MNDA: variants seen among roughly 807,000 people sequenced by gnomAD.
The protein encoded by MNDA is myeloid cell nuclear differentiation antigen, also known as epididymis secretory sperm binding protein.
MNDA carries 43 observed loss-of-function variants against 37.8 expected under a neutral mutation model. The observed-to-expected ratio is 1.14, with a 90% CI of 0.89 to 1.47. The LOEUF (loss-of-function observed/expected upper bound fraction) is 1.47, where lower values mean the gene tolerates loss of function less well. MNDA is among the 40% of genes most tolerant of loss of function. The probability of loss-of-function intolerance (pLI) is 0.00; values close to 1 mark genes in which losing one functional copy is unlikely to be tolerated. For synonymous variants in MNDA, 181 were observed against 169.0 expected, an observed-to-expected ratio of 1.07 and a Z score of -0.55; for missense variants, 536 against 476.0, an observed-to-expected ratio of 1.13 and a Z score of -1.17.
At chr1:158,834,189 G>C (rs1658861644) in intron 1 of MNDA, among the ~76,000 whole-genome samples, 1 of 149,880 alleles carries the variant, frequency 6.7e-6, no homozygotes, top group Admixed American at 6.7e-5. Flanking sequence ...TTGGCCATTT[G>C]TATAGCACCT....
Position 158,849,194 on chromosome 1 carries a change from T to C in MNDA, c.1181T>C (p.Ile394Thr). 1 of 1,611,342 alleles carries C rather than the reference T, an allele frequency of 6.2e-7. No individual in the cohort carries two copies. The highest frequency in any genetic ancestry group is 1.3e-5 in the African/African-American group (1 of 74,916). The change falls in exon 7 of 7, where the codon ATC (isoleucine) becomes ACC (threonine). Residue 394 changes from isoleucine (I) to threonine (T), a missense_variant. Transcript: ENST00000368141. ...CTTTCTTATCTCTCTTTAAAGGTCA[T>C]CAAGGCCAAGAAAAACAAGGAAGGA... The part of the protein sequence containing the change: ...VCGSHSFIKV[I>T]KAKKNKEGPM...
At chr1:158,847,511 T>C (rs542555659) in intron 5 of MNDA, among the ~76,000 whole-genome samples, 2 of 152,162 alleles carry the variant, frequency 1.3e-5, no homozygotes, top group South Asian at 4.1e-4. Flanking sequence ...GAAATATTTA[T>C]TGTTGTATAA....
chr1:158,838,661 T>C (rs1384451595), intron 1 of MNDA, among the ~76,000 whole-genome samples: 2 of 152,156 alleles, frequency 1.3e-5, no homozygotes, highest in African/African-American at 4.8e-5. Flanking sequence ...CCTTATTTAC[T>C]CAATAATTTT....
intron 1 of MNDA, among the ~76,000 whole-genome samples, chr1:158,836,718 T>G (rs1310446979): frequency 6.6e-6 from 1 of 151,730 alleles, no homozygotes; most frequent in Admixed American, 6.6e-5. Context: ...AATCTCAATT[T>G]TACCTCTAAT....
At chr1:158,839,583 G>A (rs566753014) in intron 1 of MNDA, among the ~76,000 whole-genome samples, 29 of 152,216 alleles carry the variant, frequency 1.9e-4, no homozygotes, top group South Asian at 8.3e-4. Context: ...GTCCCTCAAG[G>A]AACCTACAGA....
intron 4 of MNDA, among the ~76,000 whole-genome samples, chr1:158,844,719 G>A (rs968522449): frequency 1.3e-5 from 2 of 151,618 alleles, no homozygotes; most frequent in African/African-American, 4.9e-5. Context: ...CCTCAAAATG[G>A]CAGAGTACAC....
chr1:158,847,988 G>A (rs1238876865), intron 6 of MNDA, 72 bp downstream of exon 6: 4 of 1,396,954 alleles, frequency 2.9e-6, no homozygotes, highest in Non-Finnish European at 4.0e-6. Context: ...GGGAACACCA[G>A]GTTCCTCATG....
rs1235740730 is a variant in MNDA, at chr1:158,845,223, T to A, written c.571-364T>A. On this transcript the variant is annotated intron_variant, in intron 4 of 6. Transcript: ENST00000368141. Reference sequence around the variant, plus strand: ...TTCCTGCTCAAAGTTTTTGTTGTTGTTTGTTTGTTTGTTTGTTTGTTTGTT... The same window carrying A: ...TTCCTGCTCAAAGTTTTTGTTGTTGATTGTTTGTTTGTTTGTTTGTTTGTT... 3.4e-4 allele frequency among the ~76,000 whole-genome samples: 3 copies of A among 8,820 alleles called. No homozygotes were observed. In the East Asian group the frequency reaches 0.01, roughly 30 times the overall value. The allele number at this position is 8,820 out of a possible 152,430, so 5.8% of individuals were successfully genotyped here. A position where few individuals can be genotyped will look rare whatever the true frequency, so the allele number is the denominator to read the frequency against.
Position 158,849,326 on chromosome 1 carries a change from T to G in MNDA, c.*89T>G. 1 of 1,149,360 alleles carries G rather than the reference T, an allele frequency of 8.7e-7. No individual in the cohort carries two copies. The highest frequency in any genetic ancestry group is 1.3e-6 in the Non-Finnish European group (1 of 783,470). 71.2% of individuals were successfully genotyped at this position (1,149,360 alleles called of 1,614,324 possible). A position where few individuals can be genotyped will look rare whatever the true frequency, so the allele number is the denominator to read the frequency against. ...GATTTTGTAAATTTCAGTAATTCAT[T>G]TAAATGATGTTTCAGTAGATATATT... On this transcript the variant is annotated 3_prime_UTR_variant, in exon 7 of 7. Coordinates refer to ENST00000368141, the MANE Select transcript of MNDA (RefSeq NM_002432.3).
chr1:158,837,496 T>A (rs1008460523), intron 1 of MNDA, among the ~76,000 whole-genome samples: 1 of 151,780 alleles, frequency 6.6e-6, no homozygotes, highest in Non-Finnish European at 1.5e-5. Flanking sequence ...GTTATTTTTA[T>A]TTTATCTGAT....
intron 4 of MNDA, among the ~76,000 whole-genome samples, chr1:158,844,373 A>G (rs1307015047): frequency 6.6e-6 from 1 of 151,566 alleles, no homozygotes; most frequent in Non-Finnish European, 1.5e-5. Context: ...TGTGCAGGTA[A>G]GTAGCCTGGC....
chr1:158,835,307 G>C (rs1658884793), intron 1 of MNDA, among the ~76,000 whole-genome samples: 1 of 152,062 alleles, frequency 6.6e-6, no homozygotes, highest in Non-Finnish European at 1.5e-5. Context: ...TCAAAGTGTT[G>C]TATAATTTAC....
chr1:158,847,945 T>C, intron 6 of MNDA, 29 bp downstream of exon 6: 1 of 1,588,878 alleles, frequency 6.3e-7, no homozygotes, highest in Non-Finnish European at 8.6e-7. Context: ...AGAATGAGTT[T>C]GCTAAAGAGG....
chr1:158,847,683 T>C, intron 5 of MNDA, 45 bp from the exon 6 acceptor site: 1 of 1,552,978 alleles, frequency 6.4e-7, no homozygotes, highest in South Asian at 1.2e-5. Context: ...ATCTATATGA[T>C]ACTAACAATC....
intron 1 of MNDA, 57 bp from the exon 2 acceptor site, chr1:158,842,077 A>AT (rs1659037554): frequency 1.1e-5 from 16 of 1,468,766 alleles, no homozygotes; most frequent in Non-Finnish European, 1.5e-5. Context: ...AGCATATCTC[A>AT]TTTTTTAAAA....
chr1:158,835,271 G>A (rs2102044892), intron 1 of MNDA, among the ~76,000 whole-genome samples: 1 of 152,196 alleles, frequency 6.6e-6, no homozygotes, highest in South Asian at 2.1e-4. Context: ...GCCTTCCCAT[G>A]TACATTTGTG....
At chr1:158,831,691 C>T (rs1658806080) in intron 1 of MNDA, 134 bp downstream of exon 1, 1 of 152,100 alleles carries the variant, frequency 6.6e-6, no homozygotes, top group South Asian at 2.1e-4. Flanking sequence ...GAACTGAATG[C>T]TTTAACTGTC....
chr1:158,847,874 C>A lies in MNDA; in HGVS notation c.1134C>A (p.Asp378Glu). ...TCTGCCTTCAACTGAGAACAGTTGACCGCAAGCTGAAACTGGTGTGTGGAA... is the reference window on the plus strand; with the variant it reads ...TCTGCCTTCAACTGAGAACAGTTGAACGCAAGCTGAAACTGGTGTGTGGAA... ...RLFCLQLRTVDRKLKLVCGSH... is the reference protein window; with the variant it reads ...RLFCLQLRTVERKLKLVCGSH... The change falls in exon 6 of 7, where the codon GAC becomes GAA. Residue 378 changes from aspartate (D) to glutamate (E), a missense_variant. Asp to Glu is a conservative substitution (Grantham distance 45). Transcript: ENST00000368141. The A allele has an allele frequency of 6.2e-7, 1 of 1,613,910 alleles. No individual in the cohort carries two copies. Among genetic ancestry groups the A allele is most frequent in the South Asian group, 1.1e-5 (1 of 91,070 alleles).
At chr1:158,847,937 A>G in intron 6 of MNDA, 21 bp downstream of exon 6, 1 of 1,592,342 alleles carries the variant, frequency 6.3e-7, no homozygotes. Flanking sequence ...GATAGAGGAG[A>G]ATGAGTTTGC....
Sources: allele counts gnomAD v4.1 joint callset (sites outside exome capture counted in the v4.1 genomes callset), GRCh38; gene constraint gnomAD v4.1.1; transcripts MANE v1.5; gene names NCBI Gene and HGNC (gene_info 2026-07-23, HGNC 2026-07-21).